The following PTK2B variants were observed in gnomAD, a reference collection of about 807,000 sequenced individuals.
PTK2B encodes protein tyrosine kinase 2 beta, also known as protein-tyrosine kinase 2-beta.
A neutral mutation model predicts 142.9 loss-of-function variants in PTK2B; 71 were observed. The ratio of observed to expected loss-of-function variants is 0.50; its 90% CI spans 0.41 to 0.61. The LOEUF is 0.61. Ranked by LOEUF, PTK2B falls within the 20% of genes least tolerant of loss-of-function variation. The pLI, the probability that PTK2B is intolerant of heterozygous loss-of-function variation, is 0.00. For missense variants in PTK2B, 1,105 were observed against 1,320.4 expected (o/e 0.84, Z 2.53); for synonymous variants, 519 against 503.4 (o/e 1.03, Z -0.42).
At chr8:27,360,335 T>C (rs982405764) in intron 1 of PTK2B, among the ~76,000 whole-genome samples, 2 of 152,226 alleles carry the variant, frequency 1.3e-5, no homozygotes, top group Admixed American at 1.3e-4. Flanking sequence ...AAGGAATCCA[T>C]GCGCGATGCC....
At chr8:27,408,243 T>C (rs577131237) in intron 2 of PTK2B, among the ~76,000 whole-genome samples, 1 of 152,328 alleles carries the variant, frequency 6.6e-6, no homozygotes, top group South Asian at 2.1e-4. Flanking sequence ...CCTAAAAGTA[T>C]TCCATGTAAA....
intron 1 of PTK2B, among the ~76,000 whole-genome samples, chr8:27,360,020 A>G (rs1304777760): frequency 6.6e-6 from 1 of 152,148 alleles, no homozygotes; most frequent in African/African-American, 2.4e-5. Context: ...TATTTCTGAC[A>G]CCTGAGAATT....
At chr8:27,401,706 A>G (rs1176788640) in intron 2 of PTK2B, among the ~76,000 whole-genome samples, 1 of 152,196 alleles carries the variant, frequency 6.6e-6, no homozygotes, top group African/African-American at 2.4e-5. Flanking sequence ...CACTGATATA[A>G]TTTAAAACTA....
intron 3 of PTK2B, among the ~76,000 whole-genome samples, chr8:27,313,502 G>A (rs1803028914): frequency 6.6e-6 from 1 of 152,174 alleles, no homozygotes; most frequent in Admixed American, 6.5e-5. Flanking sequence ...GACAAGTGTG[G>A]CATTTAACCC....
intron 27 of PTK2B, 142 bp downstream of exon 27, chr8:27,451,651 G>T (rs752059600): frequency 6.6e-7 from 1 of 1,510,750 alleles, no homozygotes; most frequent in Non-Finnish European, 8.9e-7. Context: ...TTCAGAGCAT[G>T]TGGGGCAGGC....
At chr8:27,404,100 A>G (rs909148705) in intron 2 of PTK2B, among the ~76,000 whole-genome samples, 2 of 151,934 alleles carry the variant, frequency 1.3e-5, no homozygotes, top group African/African-American at 4.8e-5. Flanking sequence ...CCAGTCTCAA[A>G]TGTATCATGA....
intron 1 of PTK2B, among the ~76,000 whole-genome samples, chr8:27,326,219 C>CGTGTGTGT (rs1378338817): frequency 1.6e-5 from 2 of 125,910 alleles, no homozygotes. Flanking sequence ...CAGGGGAGCT[C>CGTGTGTGT]GTGTGTATGT....
At chr8:27,406,098 T>C (rs1056118520) in intron 2 of PTK2B, among the ~76,000 whole-genome samples, 2 of 152,182 alleles carry the variant, frequency 1.3e-5, no homozygotes, top group Non-Finnish European at 2.9e-5. Flanking sequence ...TGTCCCAGCT[T>C]CTGGTAGCTC....
At position 27,451,098 on chromosome 8, in the gene PTK2B, C is replaced by T. The variant is rs199797307; in HGVS notation, c.2523+20C>T. ...CCATTGGTGAGTTGCCAGGAGAGGC[C>T]GCCTCCTCCATGCCAAGGCCTGGGA... On this transcript the variant is annotated intron_variant, in intron 26 of 30. Transcript: ENST00000346049. 64 of 1,608,860 alleles carry T rather than the reference C, an allele frequency of 4.0e-5. No individual in the cohort carries two copies. Among genetic ancestry groups the T allele is most frequent in the Middle Eastern group, 1.6e-4 (1 of 6,076 alleles).
At chr8:27,310,591 G>C (rs941166460), upstream of PTK2B, among the ~76,000 whole-genome samples, 2 of 152,240 alleles carry the variant, frequency 1.3e-5, no homozygotes, top group Non-Finnish European at 2.9e-5. Context: ...CTTTCCGTTC[G>C]CATTCTCTTC....
chr8:27,433,002 C>G (rs1053589843), intron 10 of PTK2B, among the ~76,000 whole-genome samples: 1 of 152,088 alleles, frequency 6.6e-6, no homozygotes, highest in African/African-American at 2.4e-5. Context: ...AATTTTTGTA[C>G]TTTTAGTAGA....
chr8:27,339,307 G>C (rs923514288), intron 1 of PTK2B, among the ~76,000 whole-genome samples: 1 of 152,124 alleles, frequency 6.6e-6, no homozygotes, highest in Non-Finnish European at 1.5e-5. Context: ...CAGCACAAAG[G>C]CTTCTGGGTT....
chr8:27,379,933 G>A (rs1411051197), intron 1 of PTK2B, among the ~76,000 whole-genome samples: 1 of 152,124 alleles, frequency 6.6e-6, no homozygotes, highest in Non-Finnish European at 1.5e-5. Flanking sequence ...GTAGAGACGG[G>A]GTTTCACCAT....
chr8:27,407,498 C>A (rs1320921014), intron 2 of PTK2B, among the ~76,000 whole-genome samples: 1 of 152,220 alleles, frequency 6.6e-6, no homozygotes. Flanking sequence ...CACCCACCTG[C>A]TGCTGGTGCT....
intron 1 of PTK2B, among the ~76,000 whole-genome samples, chr8:27,371,716 T>C (rs1309351011): frequency 1.3e-5 from 2 of 151,976 alleles, no homozygotes; most frequent in African/African-American, 4.8e-5. Context: ...CCCTGCTAAT[T>C]TTTGTATTTT....
In PTK2B at chr8:27,431,390, T is replaced by G; in HGVS notation, c.811-8T>G. 2.5e-6 allele frequency: 4 copies of G among 1,614,228 alleles called. No individual in the cohort carries two copies. Among genetic ancestry groups the G allele is most frequent in the Non-Finnish European group, 3.4e-6 (4 of 1,180,042 alleles). Reference sequence around the variant, plus strand: ...CTGGAACAACAGTCCACTCTCCTTTTATTCCAGCAAGGATGGAACATTACT... The same window carrying G: ...CTGGAACAACAGTCCACTCTCCTTTGATTCCAGCAAGGATGGAACATTACT... On this transcript the variant is annotated splice_region_variant and splice_polypyrimidine_tract_variant and intron_variant, in intron 8 of 30. Coordinates refer to ENST00000346049, the MANE Select transcript of PTK2B (RefSeq NM_173176.3).
chr8:27,455,095 T>TCC (rs1227317793), intron 30 of PTK2B, among the ~76,000 whole-genome samples: 2 of 152,190 alleles, frequency 1.3e-5, no homozygotes, highest in East Asian at 3.9e-4. Context: ...CCCAAAGATG[T>TCC]CCACATCCTA....
At chr8:27,440,182 G>A in intron 20 of PTK2B, 55 bp from the exon 21 acceptor site, 2 of 1,555,570 alleles carry the variant, frequency 1.3e-6, no homozygotes, top group East Asian at 4.5e-5. Context: ...TGGTGCTTCT[G>A]GGTGGGAGGG....
chr8:27,392,232 T>C (rs1326179999), intron 1 of PTK2B, among the ~76,000 whole-genome samples: 2 of 151,844 alleles, frequency 1.3e-5, no homozygotes, highest in Admixed American at 1.3e-4. Flanking sequence ...CATTCAGTGG[T>C]GATGTGCATT....
Sources: gnomAD v4.1 joint callset for allele counts (sites outside exome capture counted in the v4.1 genomes callset) on GRCh38, gnomAD v4.1.1 for gene constraint, MANE v1.5 for transcripts, NCBI Gene and HGNC (gene_info 2026-07-23, HGNC 2026-07-21) for gene names.